The following SSH1 variants were observed in gnomAD, a reference collection of about 807,000 sequenced individuals.
SSH1 encodes slingshot protein phosphatase 1.
A neutral mutation model predicts 79.7 loss-of-function variants in SSH1; 43 were observed. The ratio of observed to expected loss-of-function variants is 0.54; its 90% CI spans 0.42 to 0.70. The LOEUF (loss-of-function observed/expected upper bound fraction) is 0.70, where lower values mean the gene tolerates loss of function less well. Ranked by LOEUF, SSH1 falls within the 30% of genes least tolerant of loss-of-function variation. The pLI, the probability that SSH1 is intolerant of heterozygous loss-of-function variation, is 0.00. For missense variants in SSH1, 1,206 were observed against 1,358.8 expected (o/e 0.89, Z 1.77); for synonymous variants, 599 against 538.3 (o/e 1.11, Z -1.56).
rs1239550370 is a variant in SSH1 at position 108,807,361 on chromosome 12, G to A, written c.731+272C>T. ...CAAAGGGCCACACATTCCTTTGAGA[G>A]TCTGATGGGAGTTACGGACCCCGTC... is the stretch of plus-strand genomic sequence containing the variant. On this transcript the variant is annotated intron_variant, in intron 8 of 14. Coordinates refer to ENST00000326495, the MANE Select transcript of SSH1 (RefSeq NM_018984.4). This position sits in a 1 kb window ranked among gnomAD's most constrained non-coding sequence, Gnocchi z 5.2. Among the ~76,000 whole-genome samples, 1 of 152,122 alleles carries A rather than the reference G, an allele frequency of 6.6e-6. No individual in the cohort carries two copies. The highest frequency in any genetic ancestry group is 1.5e-5 in the Non-Finnish European group (1 of 68,030).
At chr12:108,816,216 A>G (rs1372831597) in intron 5 of SSH1, among the ~76,000 whole-genome samples, 1 of 152,148 alleles carries the variant, frequency 6.6e-6, no homozygotes, top group Admixed American at 6.5e-5. Flanking sequence ...TCTGGTTGTG[A>G]CTGTCTTCCA....
In SSH1 at chr12:108,792,651, A is replaced by G; in HGVS notation, c.1528T>C (p.Cys510Arg). 6.2e-7 allele frequency: 1 copy of G among 1,611,836 alleles called. No homozygotes were observed. Among genetic ancestry groups the G allele is most frequent in the Non-Finnish European group, 8.5e-7 (1 of 1,179,812 alleles). The change falls in exon 14 of 15, where the codon TGT (cysteine) becomes CGT (arginine). Residue 510 changes from cysteine to arginine, a missense_variant. Coordinates refer to ENST00000326495, the MANE Select transcript of SSH1 (RefSeq NM_018984.4). ...AGGGGGTCTGAGAGTCGCCGGAAAC[A>G]GCAGGGGAGGGGGGGCCCTAAGCCG... ...QPGLGPPLPCCFRRLSDPLLP... is the reference protein window; with the variant it reads ...QPGLGPPLPCRFRRLSDPLLP...
At chr12:108,837,449 C>T (rs776621465) in intron 2 of SSH1, among the ~76,000 whole-genome samples, 1 of 152,112 alleles carries the variant, frequency 6.6e-6, no homozygotes, top group Non-Finnish European at 1.5e-5. Flanking sequence ...CAGTGTCCCG[C>T]GTGGATGGCT....
intron 13 of SSH1, among the ~76,000 whole-genome samples, chr12:108,795,484 A>AC (rs2036709525): frequency 2.0e-5 from 3 of 151,766 alleles, no homozygotes; most frequent in Non-Finnish European, 4.4e-5. Flanking sequence ...CAAACTCCTG[A>AC]CCTCAGGTGA....
intron 2 of SSH1, among the ~76,000 whole-genome samples, chr12:108,848,767 C>T (rs2038956516): frequency 6.6e-6 from 1 of 152,066 alleles, no homozygotes; most frequent in Non-Finnish European, 1.5e-5. Context: ...AGCCCAGAGC[C>T]CAGCATCCCA....
At chr12:108,813,817 G>A (rs2037752284) in intron 5 of SSH1, among the ~76,000 whole-genome samples, 2 of 151,552 alleles carry the variant, frequency 1.3e-5, no homozygotes, top group African/African-American at 4.8e-5. Flanking sequence ...GAAGCGAAGG[G>A]GAAGGGGATA....
intron 13 of SSH1, among the ~76,000 whole-genome samples, chr12:108,798,793 C>A (rs1191984796): frequency 2.6e-5 from 4 of 152,262 alleles, no homozygotes; most frequent in Non-Finnish European, 5.9e-5. Context: ...AAAATCAAAA[C>A]AGATCCCTCC....
chr12:108,788,817 T>G lies in SSH1; in HGVS notation c.2321A>C (p.Lys774Thr), dbSNP rs1457155829. ...KNPPSTEVVI[K>T]EESSPKKDMK... ...ATCTTTCTTGGGTGACGATTCTTCCTTTATTACCACTTCTGTGCTGGGAGG... is the reference window on the plus strand; with the variant it reads ...ATCTTTCTTGGGTGACGATTCTTCCGTTATTACCACTTCTGTGCTGGGAGG... The change falls in exon 15 of 15, where the codon AAG (lysine) becomes ACG (threonine). Residue 774 changes from lysine (K) to threonine (T), a missense_variant. Transcript: ENST00000326495. The G allele has an allele frequency of 1.2e-6, 2 of 1,614,246 alleles. No individual in the cohort carries two copies. The highest frequency in any genetic ancestry group is 1.7e-6 in the Non-Finnish European group (2 of 1,180,040).
At position 108,857,425 on chromosome 12, in the gene SSH1, C is replaced by G; in HGVS notation, c.69+3G>C. On this transcript the variant is annotated splice_donor_region_variant and intron_variant, in intron 1 of 14. Transcript: ENST00000326495. This position sits in a 1 kb window ranked among gnomAD's most constrained non-coding sequence, Gnocchi z 4.7. ...GGCCGGGCGCGGCGAGCCCGGGGCT[C>G]ACCTCGCTGTTGCTGGCCGAGGAGG... 3 of 1,090,190 alleles carry G rather than the reference C, an allele frequency of 2.8e-6. No homozygotes were observed. Among genetic ancestry groups the G allele is most frequent in the Non-Finnish European group, 3.4e-6 (3 of 884,184 alleles). 67.5% of individuals were successfully genotyped at this position (1,090,190 alleles called of 1,614,324 possible). A position where few individuals can be genotyped will look rare whatever the true frequency, so the allele number is the denominator to read the frequency against.
chr12:108,804,884 G>A (rs1293022362), intron 10 of SSH1, among the ~76,000 whole-genome samples, 172 bp downstream of exon 10: 1 of 152,236 alleles, frequency 6.6e-6, no homozygotes, highest in African/African-American at 2.4e-5. Flanking sequence ...AGATCAGCAG[G>A]CTGCAGGCCA....
chr12:108,805,427 T>G (rs1311171509), intron 9 of SSH1, among the ~76,000 whole-genome samples: 1 of 152,238 alleles, frequency 6.6e-6, no homozygotes, highest in East Asian at 1.9e-4. Context: ...GAATTTGATT[T>G]CCATGAGATC....
chr12:108,792,673 GC>G lies in SSH1; in HGVS notation c.1505del (p.Gly502AlafsTer2). On this transcript the variant is annotated frameshift_variant, in exon 14 of 15. Transcript: ENST00000326495. LOFTEE classifies it high-confidence loss of function. ...LPFLDDAAQP[G>X]LGPPLPCCFR... ...AACAGCAGGGGAGGGGGGGCCCTAA[GC>G]CGGGCTGGGCGGCATCATCCAAGAA... 1 of 1,612,294 alleles carries G rather than the reference GC, an allele frequency of 6.2e-7. No homozygotes were observed. The highest frequency in any genetic ancestry group is 8.5e-7 in the Non-Finnish European group (1 of 1,180,000).
chr12:108,822,159 A>G (rs2038145665), intron 3 of SSH1, among the ~76,000 whole-genome samples: 2 of 149,780 alleles, frequency 1.3e-5, no homozygotes. Context: ...CAACATAGTG[A>G]GACCTCATTT....
At chr12:108,826,207 A>G (rs771899536) in intron 2 of SSH1, 3 of 438,954 alleles carry the variant, frequency 6.8e-6, no homozygotes, top group South Asian at 3.2e-5. Context: ...TTCCTTTGGA[A>G]AAAAAAAGGA....
chr12:108,792,084 G>A (rs1278057609), intron 14 of SSH1: 11 of 1,462,212 alleles, frequency 7.5e-6, no homozygotes, highest in East Asian at 2.5e-5. Context: ...TATGCACTAC[G>A]TACCCACCAG....
At chr12:108,801,372 A>G (rs976179710) in intron 11 of SSH1, among the ~76,000 whole-genome samples, 14 of 152,216 alleles carry the variant, frequency 9.2e-5, no homozygotes, top group Admixed American at 5.9e-4. Context: ...AAGGCAAGAT[A>G]GACAAATAAG....
At chr12:108,831,384 C>A (rs370918478) in intron 2 of SSH1, among the ~76,000 whole-genome samples, 1 of 152,294 alleles carries the variant, frequency 6.6e-6, no homozygotes, top group African/African-American at 2.4e-5. Context: ...TCTGTTAATT[C>A]GGTTTCGATC....
Position 108,788,398 on chromosome 12 carries a change from CTTTTG to C in SSH1, c.2735_2739del (p.Ser912Ter). 1 of 1,611,034 alleles carries C rather than the reference CTTTTG, an allele frequency of 6.2e-7. No homozygotes were observed. The highest frequency in any genetic ancestry group is 8.5e-7 in the Non-Finnish European group (1 of 1,179,020). ...GTGTAGCAGATGGTCTTCAGAAAGT[CTTTTG>C]AGAAACTACTGGTGTGGTCCAGGCG... On this transcript the variant is annotated frameshift_variant, in exon 15 of 15. Transcript: ENST00000326495. LOFTEE classifies it high-confidence loss of function.
rs543311413 is a variant in SSH1, at chr12:108,791,238, T to C, written c.1893+1048A>G. Reference sequence around the variant, plus strand: ...AATTCTCGTGCCTCAGCCTCCTGAGTAGCTGGGATTACAGGCATGCACCAT... The same window carrying C: ...AATTCTCGTGCCTCAGCCTCCTGAGCAGCTGGGATTACAGGCATGCACCAT... On this transcript the variant is annotated intron_variant, in intron 14 of 14. Coordinates refer to ENST00000326495, the MANE Select transcript of SSH1 (RefSeq NM_018984.4). 2.8e-4 allele frequency among the ~76,000 whole-genome samples: 43 copies of C among 152,252 alleles called. No individual in the cohort carries two copies. The South Asian group carries it at 8.7e-3, about 31-fold the overall frequency.
Sources: allele counts gnomAD v4.1 joint callset (sites outside exome capture counted in the v4.1 genomes callset), GRCh38; gene constraint gnomAD v4.1.1; non-coding constraint Gnocchi (gnomAD v3.1); transcripts MANE v1.5; gene names NCBI Gene and HGNC (gene_info 2026-07-23, HGNC 2026-07-21).